HHLA2: variants seen among roughly 807,000 people sequenced by gnomAD.
The protein encoded by HHLA2 is HERV-H LTR-associating protein 2.
HHLA2 carries 48 observed loss-of-function variants against 45.9 expected under a neutral mutation model. The observed-to-expected ratio is 1.05, with a 90% CI of 0.83 to 1.33. The LOEUF is 1.33. Ranked by LOEUF, HHLA2 falls within the 40% of genes most tolerant of loss-of-function variation. HHLA2 has a pLI of 0.00. For missense variants in HHLA2, 462 were observed against 494.3 expected (o/e 0.93, Z 0.62); for synonymous variants, 161 against 173.9 (o/e 0.93, Z 0.59).
intron 6 of HHLA2, among the ~76,000 whole-genome samples, chr3:108,357,149 T>C (rs922548161): frequency 1.3e-5 from 2 of 152,134 alleles, no homozygotes; most frequent in African/African-American, 4.8e-5. Context: ...TTTGGAGGGC[T>C]TACTTTGGCA....
intron 8 of HHLA2, among the ~76,000 whole-genome samples, chr3:108,373,527 G>A (rs2082217681): frequency 6.6e-6 from 1 of 152,140 alleles, no homozygotes. Flanking sequence ...AGGAAAACAG[G>A]AAGTCAAATT....
At chr3:108,362,817 T>G (rs2082003625) in intron 8 of HHLA2, among the ~76,000 whole-genome samples, 1 of 152,172 alleles carries the variant, frequency 6.6e-6, no homozygotes, top group African/African-American at 2.4e-5. Flanking sequence ...CAGGATGACT[T>G]AATCATCCTG....
chr3:108,371,598 A>G (rs556240262), intron 8 of HHLA2, among the ~76,000 whole-genome samples: 1 of 152,332 alleles, frequency 6.6e-6, no homozygotes, highest in African/African-American at 2.4e-5. Flanking sequence ...GTGCAGAGAC[A>G]CACATAGGCT....
At chr3:108,373,067 G>C (rs1235636854) in intron 8 of HHLA2, among the ~76,000 whole-genome samples, 6 of 152,148 alleles carry the variant, frequency 3.9e-5, no homozygotes, top group Non-Finnish European at 7.3e-5. Context: ...GAACATTGAT[G>C]CAAAAATCCT....
chr3:108,324,031 C>T lies in HHLA2; in HGVS notation c.-104-4239C>T, dbSNP rs578171420. Among the ~76,000 whole-genome samples the T allele has an allele frequency of 1.3e-3, 195 of 152,274 alleles. 1 individual carries two copies. The highest frequency in any genetic ancestry group is 2.4e-3 in the Non-Finnish European group (163 of 68,006). ...ATGCCAGACTTAAGATTTCAAAATG[C>T]ACTCCTTTGTTAGAAAACAATGATT... On this transcript the variant is annotated intron_variant, in intron 2 of 10. Transcript: ENST00000619531.
intron 3 of HHLA2, among the ~76,000 whole-genome samples, chr3:108,350,941 T>C (rs1176624784): frequency 6.6e-6 from 1 of 152,198 alleles, no homozygotes; most frequent in Non-Finnish European, 1.5e-5. Context: ...TGCCTTGGCC[T>C]CCCAAAGTGC....
At chr3:108,328,320 T>C (rs1560212878) in exon 3 of HHLA2, 21 of 1,532,010 alleles carry the variant, frequency 1.4e-5, no homozygotes, top group Non-Finnish European at 1.7e-5. Flanking sequence ...ATGTGGAATA[T>C]ACTAAAGCCT....
At chr3:108,307,938 C>T (rs1443807720) in intron 1 of HHLA2, among the ~76,000 whole-genome samples, 1 of 152,016 alleles carries the variant, frequency 6.6e-6, no homozygotes, top group African/African-American at 2.4e-5. Flanking sequence ...TTAATACATG[C>T]ATGCAATGTA....
At chr3:108,333,478 C>A (rs2081419961) in intron 3 of HHLA2, among the ~76,000 whole-genome samples, 1 of 151,112 alleles carries the variant, frequency 6.6e-6, no homozygotes, top group East Asian at 1.9e-4. Flanking sequence ...CTAGGATATT[C>A]TTGTACTAAA....
chr3:108,320,629 G>A (rs1225205302), intron 2 of HHLA2, among the ~76,000 whole-genome samples: 1 of 152,086 alleles, frequency 6.6e-6, no homozygotes, highest in Non-Finnish European at 1.5e-5. Flanking sequence ...ATAACTATTT[G>A]TAGTCCTAAA....
intron 3 of HHLA2, among the ~76,000 whole-genome samples, chr3:108,345,759 G>A (rs2081650763): frequency 6.6e-6 from 1 of 152,180 alleles, no homozygotes. Flanking sequence ...CAGTTAAAAT[G>A]CCACACAGTA....
chr3:108,328,284 C>G (rs906946192), exon 3 of HHLA2: 10 of 1,508,868 alleles, frequency 6.6e-6, no homozygotes, highest in Non-Finnish European at 8.8e-6. Context: ...TAGGAGAATA[C>G]TAACCCTGCA....
At chr3:108,343,045 C>T (rs778098049) in intron 3 of HHLA2, among the ~76,000 whole-genome samples, 40 of 152,084 alleles carry the variant, frequency 2.6e-4, no homozygotes, top group Middle Eastern at 3.2e-3. Context: ...GTTTGTGACC[C>T]GTAGGTGATG....
At chr3:108,311,788 T>C (rs56112716) in intron 2 of HHLA2, 26,368 of 152,152 alleles carry the variant, frequency 0.17, 2,829 homozygotes, top group East Asian at 0.53. Flanking sequence ...CCAAACTAGT[T>C]TACTCTACAT....
chr3:108,377,408 G>A, exon 11 of HHLA2: 2 of 650,832 alleles, frequency 3.1e-6, no homozygotes, highest in Non-Finnish European at 5.4e-6. Flanking sequence ...GCAAAGAGTT[G>A]TAACCATTTT....
exon 5 of HHLA2, chr3:108,353,768 C>A: frequency 6.2e-7 from 1 of 1,608,242 alleles, no homozygotes. Flanking sequence ...CAAAGTGGTG[C>A]TAAAGGTGGG....
At chr3:108,349,224 C>A (rs1443907012) in intron 3 of HHLA2, among the ~76,000 whole-genome samples, 2 of 139,050 alleles carry the variant, frequency 1.4e-5, no homozygotes, top group African/African-American at 5.3e-5. Flanking sequence ...AAAAAAAAAT[C>A]AACAAAATAG....
At chr3:108,334,818 G>A (rs1199587239) in intron 3 of HHLA2, among the ~76,000 whole-genome samples, 3 of 152,100 alleles carry the variant, frequency 2.0e-5, no homozygotes, top group African/African-American at 7.2e-5. Flanking sequence ...CCAGGGGTGA[G>A]GTCACCTTAT....
At chr3:108,355,367 G>A (rs745546279) in exon 6 of HHLA2, 8 of 1,612,752 alleles carry the variant, frequency 5.0e-6, no homozygotes, top group African/African-American at 2.7e-5. Flanking sequence ...TGGACAGGGC[G>A]CTGGACGATG....
Sources: gnomAD v4.1 joint callset for allele counts (sites outside exome capture counted in the v4.1 genomes callset) on GRCh38, gnomAD v4.1.1 for gene constraint, MANE v1.5 for transcripts, NCBI Gene and HGNC (gene_info 2026-07-23, HGNC 2026-07-21) for gene names.